The following SH3RF1 variants were observed in gnomAD, a reference collection of about 807,000 sequenced individuals.
SH3RF1 encodes the protein SH3 domain containing ring finger 1.
Under a neutral mutation model 74.0 loss-of-function variants are expected in SH3RF1, and 32 were observed. The ratio of observed to expected loss-of-function variants is 0.43; its 90% CI spans 0.33 to 0.58. SH3RF1 has a LOEUF of 0.58. SH3RF1 is among the 20% of genes least tolerant of loss of function. The probability of loss-of-function intolerance (pLI) is 0.05; values close to 1 mark genes in which losing one functional copy is unlikely to be tolerated. For missense variants in SH3RF1, 954 were observed against 1,130.9 expected, an observed-to-expected ratio of 0.84 and a Z score of 2.24; for synonymous variants, 396 against 439.6, an observed-to-expected ratio of 0.90 and a Z score of 1.24.
chr4:169,245,703 T>A (rs1318532384), intron 2 of SH3RF1, among the ~76,000 whole-genome samples: 1 of 152,340 alleles, frequency 6.6e-6, no homozygotes, highest in South Asian at 2.1e-4. Context: ...GTTCAGCTGA[T>A]AGAAAAATCC....
At chr4:169,157,752 T>C (rs1734083132) in intron 2 of SH3RF1, among the ~76,000 whole-genome samples, 1 of 152,102 alleles carries the variant, frequency 6.6e-6, no homozygotes, top group Admixed American at 6.5e-5. Context: ...TTTTTCTTTT[T>C]TTTTTTTAAG....
chr4:169,168,007 G>C (rs1734274011), intron 2 of SH3RF1, among the ~76,000 whole-genome samples: 1 of 152,066 alleles, frequency 6.6e-6, no homozygotes, highest in Non-Finnish European at 1.5e-5. Context: ...GGGCATGGTG[G>C]GACAGGCCTA....
intron 2 of SH3RF1, among the ~76,000 whole-genome samples, chr4:169,218,141 T>C (rs961826343): frequency 1.4e-5 from 2 of 147,622 alleles, no homozygotes; most frequent in Non-Finnish European, 3.0e-5. Context: ...TATATATTAT[T>C]ATATATTGAT....
In SH3RF1 at chr4:169,130,142, G is replaced by A. The variant is rs1052464915; in HGVS notation, c.1083C>T (p.Thr361=). 2 of 1,583,954 alleles carry A rather than the reference G, an allele frequency of 1.3e-6. No homozygotes were observed. Among genetic ancestry groups the A allele is most frequent in the African/African-American group, 1.4e-5 (1 of 72,438 alleles). Residue 361 remains threonine, a synonymous_variant, in exon 6 of 12, where the codon ACC becomes ACT. Transcript: ENST00000284637. The part of the protein sequence containing the change: ...CSAPSQVHIS[T]TGLIVTPPPS... The stretch of plus-strand genomic sequence containing the variant: ...GGGGCGGGGTCACAATTAACCCGGT[G>A]GTACTTATATGAACCTGCCGAGAAA...
chr4:169,144,622 A>G (rs1733841454), intron 4 of SH3RF1, among the ~76,000 whole-genome samples: 1 of 152,158 alleles, frequency 6.6e-6, no homozygotes. Flanking sequence ...GTGTCTGCAT[A>G]GCTTGGGCAG....
At chr4:169,227,247 A>T (rs1464935188) in intron 2 of SH3RF1, among the ~76,000 whole-genome samples, 4 of 152,224 alleles carry the variant, frequency 2.6e-5, no homozygotes, top group African/African-American at 9.6e-5. Context: ...AACAAAAATC[A>T]TTAGACTATA....
intron 2 of SH3RF1, among the ~76,000 whole-genome samples, chr4:169,266,549 T>C (rs1731359358): frequency 6.6e-6 from 1 of 150,900 alleles, no homozygotes; most frequent in Non-Finnish European, 1.5e-5. Flanking sequence ...TGGCCCTGAC[T>C]GTTCTGAATA....
intron 2 of SH3RF1, among the ~76,000 whole-genome samples, chr4:169,207,420 C>T (rs1730279631): frequency 6.6e-6 from 1 of 152,156 alleles, no homozygotes; most frequent in Non-Finnish European, 1.5e-5. Context: ...GAGTGAGACC[C>T]TGTCTCAAAT....
At chr4:169,143,805 A>G (rs1043637986) in intron 4 of SH3RF1, among the ~76,000 whole-genome samples, 1 of 152,216 alleles carries the variant, frequency 6.6e-6, no homozygotes, top group African/African-American at 2.4e-5. Flanking sequence ...TATTTTCATT[A>G]TCTTCACTTC....
intron 2 of SH3RF1, among the ~76,000 whole-genome samples, chr4:169,188,446 A>C (rs1396789550): frequency 6.6e-6 from 1 of 152,244 alleles, no homozygotes; most frequent in Admixed American, 6.5e-5. Context: ...GGACTGCTGG[A>C]AGGTTGAAGC....
intron 9 of SH3RF1, 87 bp from the exon 10 acceptor site, chr4:169,116,717 A>C: frequency 1.4e-6 from 2 of 1,449,636 alleles, no homozygotes; most frequent in Non-Finnish European, 1.8e-6. Context: ...ACTGCATCAG[A>C]CCATGATGAA....
At chr4:169,114,164 G>A (rs1579088357) in intron 10 of SH3RF1, among the ~76,000 whole-genome samples, 1 of 152,076 alleles carries the variant, frequency 6.6e-6, no homozygotes, top group Non-Finnish European at 1.5e-5. Context: ...GTAAAAATCG[G>A]GTCCTAAAAT....
At chr4:169,167,908 G>A (rs1394665349) in intron 2 of SH3RF1, among the ~76,000 whole-genome samples, 1 of 152,100 alleles carries the variant, frequency 6.6e-6, no homozygotes, top group Non-Finnish European at 1.5e-5. Context: ...AGGCCAAGGT[G>A]GTAGGATATC....
At chr4:169,250,722 G>T (rs538348189) in intron 2 of SH3RF1, among the ~76,000 whole-genome samples, 7 of 152,250 alleles carry the variant, frequency 4.6e-5, no homozygotes, top group Non-Finnish European at 8.8e-5. Context: ...ACAAATAAAT[G>T]TATAATGTGA....
At chr4:169,205,790 T>C (rs1730245245) in intron 2 of SH3RF1, among the ~76,000 whole-genome samples, 1 of 152,218 alleles carries the variant, frequency 6.6e-6, no homozygotes, top group Admixed American at 6.5e-5. Context: ...CCCAGGAATA[T>C]TTAAAGAATT....
chr4:169,107,327 AG>A lies in SH3RF1; in HGVS notation c.2140-123del. 3.6e-6 allele frequency: 3 copies of A among 829,942 alleles called. No individual in the cohort carries two copies. The South Asian group carries it at 6.5e-5, about 18-fold the overall frequency. 51.4% of individuals were successfully genotyped at this position (829,942 alleles called of 1,614,324 possible). A position where few individuals can be genotyped will look rare whatever the true frequency, so the allele number is the denominator to read the frequency against. ...TTAATTTTAATTTTTGTGGGTCCATAGTAGGTATATGGGGCCTTATGGTTTC... is the reference window on the plus strand; with the variant it reads ...TTAATTTTAATTTTTGTGGGTCCATATAGGTATATGGGGCCTTATGGTTTC... On this transcript the variant is annotated intron_variant, in intron 10 of 11. Coordinates refer to ENST00000284637, the MANE Select transcript of SH3RF1 (RefSeq NM_020870.4).
Position 169,172,787 on chromosome 4 carries a change from G to A in SH3RF1, c.394-16108C>T, listed in dbSNP as rs545799850. On this transcript the variant is annotated intron_variant, in intron 2 of 11. Transcript: ENST00000284637. ...AGACCCACCAATTGGCTGCCAGCGCGGCTAGAACAAAGCAAGCGAAGAAGG... is the reference window on the plus strand; with the variant it reads ...AGACCCACCAATTGGCTGCCAGCGCAGCTAGAACAAAGCAAGCGAAGAAGG... 1.6e-4 allele frequency among the ~76,000 whole-genome samples: 25 copies of A among 152,220 alleles called. No individual in the cohort carries two copies. The South Asian group carries it at 1.9e-3, about 11-fold the overall frequency.
At chr4:169,105,773 C>A (rs1213089686) in intron 11 of SH3RF1, among the ~76,000 whole-genome samples, 2 of 152,152 alleles carry the variant, frequency 1.3e-5, no homozygotes, top group East Asian at 3.9e-4. Context: ...GTGGTCCCAG[C>A]CACTCAGGAA....
In SH3RF1 at chr4:169,096,687, C is replaced by T; in HGVS notation, c.2499G>A (p.Arg833=). The part of the protein sequence containing the change: ...LNESRPVVCE[R]HRVVVSYPPQ... ...GAGGATAGGAAACCACCACCCTGTG[C>T]CTAGAAAAGAAAGAGATTTTGGTTA... The change falls in exon 12 of 12, where the codon AGG becomes AGA. Residue 833 remains arginine (R), a splice_region_variant and synonymous_variant. Transcript: ENST00000284637. 6.2e-7 allele frequency: 1 copy of T among 1,604,296 alleles called. No individual in the cohort carries two copies. Among genetic ancestry groups the T allele is most frequent in the Non-Finnish European group, 8.5e-7 (1 of 1,177,268 alleles).
Sources: gnomAD v4.1 joint callset for allele counts (sites outside exome capture counted in the v4.1 genomes callset) on GRCh38, gnomAD v4.1.1 for gene constraint, MANE v1.5 for transcripts, NCBI Gene and HGNC (gene_info 2026-07-23, HGNC 2026-07-21) for gene names.